PHLDB1: variants seen among roughly 807,000 people sequenced by gnomAD.
PHLDB1 encodes pleckstrin homology-like domain family B member 1.
PHLDB1 carries 65 observed loss-of-function variants against 139.3 expected under a neutral mutation model. That is an observed-to-expected ratio of 0.47 (90% confidence interval 0.38 to 0.57). PHLDB1 has a LOEUF of 0.57. Among genes scored for constraint, PHLDB1 ranks in the 20% least tolerant of loss-of-function variants. The probability of loss-of-function intolerance (pLI) is 0.00; values close to 1 mark genes in which losing one functional copy is unlikely to be tolerated. For missense variants in PHLDB1, 1,624 were observed against 1,839.7 expected, an observed-to-expected ratio of 0.88 and a Z score of 2.14; for synonymous variants, 679 against 734.5, an observed-to-expected ratio of 0.92 and a Z score of 1.22.
chr11:118,655,953 T>TGACCCTTGACCTCCCCTTCATCCCC, intron 22 of PHLDB1, 61 bp downstream of exon 22: 1 of 1,188,108 alleles, frequency 8.4e-7, no homozygotes, highest in Non-Finnish European at 1.3e-6. Context: ...CACTCATCCC[T>TGACCCTTGACCTCCCCTTCATCCCC]GACCCTTGAC....
At chr11:118,641,602 C>T (rs1946525745) in intron 12 of PHLDB1, 1 of 1,272,014 alleles carries the variant, frequency 7.9e-7, no homozygotes, top group African/African-American at 1.5e-5. Context: ...CTGCGTCTGG[C>T]CTTGCTCCAA....
At chr11:118,621,994 G>A (rs756697286) in intron 4 of PHLDB1, among the ~76,000 whole-genome samples, 7 of 152,106 alleles carry the variant, frequency 4.6e-5, no homozygotes, top group Admixed American at 2.6e-4. Flanking sequence ...GAGCATGTAC[G>A]CCCATAAGTC....
At position 118,650,578 on chromosome 11, in the gene PHLDB1, A is replaced by G. The variant is rs782541461; in HGVS notation, c.3874+31A>G. The G allele has an allele frequency of 5.4e-5, 79 of 1,458,108 alleles. No individual in the cohort carries two copies. The highest frequency in any genetic ancestry group is 7.4e-5 in the Non-Finnish European group (77 of 1,037,886). 90.3% of individuals were successfully genotyped at this position (1,458,108 alleles called of 1,614,324 possible). On this transcript the variant is annotated intron_variant, in intron 20 of 22. Transcript: ENST00000600882. This position sits in a 1 kb window ranked among gnomAD's most constrained non-coding sequence, Gnocchi z 4.7. ...TTCCCACAAGGCCACCCTGGGGGCC[A>G]GCCAGGATCCCTGGGCTCTGTTACC...
At position 118,645,891 on chromosome 11, in the gene PHLDB1, G is replaced by A; in HGVS notation, c.3507+66G>A. 1 of 996,854 alleles carries A rather than the reference G, an allele frequency of 1.0e-6. No individual in the cohort carries two copies. Among genetic ancestry groups the A allele is most frequent in the Non-Finnish European group, 1.6e-6 (1 of 618,784 alleles). 61.8% of individuals were successfully genotyped at this position (996,854 alleles called of 1,614,324 possible). ...CACAGAGCTACCTACTGCATGTCAAGGGCCTGTGCTCCACCCCAAGCCCTT... is the reference window on the plus strand; with the variant it reads ...CACAGAGCTACCTACTGCATGTCAAAGGCCTGTGCTCCACCCCAAGCCCTT... On this transcript the variant is annotated intron_variant, in intron 17 of 22. Transcript: ENST00000600882. This position sits in a 1 kb window ranked among gnomAD's most constrained non-coding sequence, Gnocchi z 5.1.
chr11:118,635,503 G>C lies in PHLDB1; in HGVS notation c.2490G>C (p.Leu830=), dbSNP rs753674691. Residue 830 remains leucine (L), a synonymous_variant, in exon 10 of 23, where the codon CTG becomes CTC. Transcript: ENST00000600882. Reference sequence around the variant, plus strand: ...AGCGCGAGCTGGCCGGCCAGGGGCTGCTCCGGAGCAAGGCTGAGCTGCTCC... The same window carrying C: ...AGCGCGAGCTGGCCGGCCAGGGGCTCCTCCGGAGCAAGGCTGAGCTGCTCC... ...EEERELAGQG[L]LRSKAELLRS... 1.4e-5 allele frequency: 23 copies of C among 1,607,862 alleles called. No homozygotes were observed. The highest frequency in any genetic ancestry group is 1.9e-5 in the Non-Finnish European group (22 of 1,177,550).
chr11:118,642,057 C>G (rs1555121387), intron 12 of PHLDB1, 197 bp from the exon 13 acceptor site: 94 of 597,668 alleles, frequency 1.6e-4, no homozygotes, highest in East Asian at 2.5e-4. Flanking sequence ...TCTCCTTTCT[C>G]CCTTCCTTCC....
intron 13 of PHLDB1, 90 bp from the exon 14 acceptor site, chr11:118,643,710 C>A: frequency 6.2e-7 from 1 of 1,603,148 alleles, no homozygotes; most frequent in South Asian, 1.1e-5. Context: ...AGTGCCAGGG[C>A]GGTACGTCAG....
intron 9 of PHLDB1, chr11:118,635,114 A>C: frequency 1.8e-6 from 1 of 547,974 alleles, no homozygotes; most frequent in Non-Finnish European, 3.4e-6. Context: ...AAGAGAGGAG[A>C]GCGGTGGGAC....
chr11:118,643,912 C>G lies in PHLDB1; in HGVS notation c.2990C>G (p.Ala997Gly). Residue 997 changes from alanine (A) to glycine (G), a missense_variant, in exon 14 of 23, where the codon GCT becomes GGT. Transcript: ENST00000600882. The stretch of plus-strand genomic sequence containing the variant: ...TCCTCCTCCTCCCAGCTCAGCGTGG[C>G]TACCCTGGGGCGTAGCCCCTCCCCA... ...SSSSSSQLSV[A>G]TLGRSPSPKS... 1 of 1,607,458 alleles carries G rather than the reference C, an allele frequency of 6.2e-7. No individual in the cohort carries two copies. The highest frequency in any genetic ancestry group is 8.5e-7 in the Non-Finnish European group (1 of 1,176,858).
rs1939926754 is a variant in PHLDB1 at position 118,610,416 on chromosome 11, G to T, written c.-22+2717G>T. On this transcript the variant is annotated intron_variant, in intron 1 of 22. Transcript: ENST00000600882. This position sits in a 1 kb window ranked among gnomAD's most constrained non-coding sequence, Gnocchi z 8.7. ...GGCCCTTTCTCGAGGGCGGATGTGCGCCTGGAGGGCGAAGGCGGCGGCCGA... is the reference window on the plus strand; with the variant it reads ...GGCCCTTTCTCGAGGGCGGATGTGCTCCTGGAGGGCGAAGGCGGCGGCCGA... The T allele has an allele frequency of 1.2e-5, 12 of 984,298 alleles. No individual in the cohort carries two copies. Among genetic ancestry groups the T allele is most frequent in the Non-Finnish European group, 1.4e-5 (12 of 828,866 alleles). The allele number at this position is 984,298 out of a possible 1,614,324, so 61.0% of individuals were successfully genotyped here.
At position 118,609,215 on chromosome 11, in the gene PHLDB1, A is replaced by G. The variant is rs529961561; in HGVS notation, c.-22+1516A>G. 1.5e-4 allele frequency among the ~76,000 whole-genome samples: 20 copies of G among 134,322 alleles called. No homozygotes were observed. The South Asian group carries it at 5.0e-3, about 34-fold the overall frequency. 88.1% of individuals were successfully genotyped at this position (134,322 alleles called of 152,430 possible). Reference sequence around the variant, plus strand: ...CACACACACAGCCCCAGTTATACACACACAGCCCAGCTCACACACGCAGCC... The same window carrying G: ...CACACACACAGCCCCAGTTATACACGCACAGCCCAGCTCACACACGCAGCC... On this transcript the variant is annotated intron_variant, in intron 1 of 22. Transcript: ENST00000600882.
Position 118,650,951 on chromosome 11 carries a change from C to T in PHLDB1, c.3874+404C>T. On this transcript the variant is annotated intron_variant, in intron 20 of 22. Coordinates refer to ENST00000600882, the MANE Select transcript of PHLDB1 (RefSeq NM_001144758.3). This position sits in a 1 kb window ranked among gnomAD's most constrained non-coding sequence, Gnocchi z 4.7. Reference sequence around the variant, plus strand: ...ATGGTCAGAGTTGGGCTGGGAACTCCCCCTTGGACAAATTCCATCAGAGAT... The same window carrying T: ...ATGGTCAGAGTTGGGCTGGGAACTCTCCCTTGGACAAATTCCATCAGAGAT... 1 of 207,952 alleles carries T rather than the reference C, an allele frequency of 4.8e-6. No homozygotes were observed. The highest frequency in any genetic ancestry group is 1.2e-4 in the East Asian group (1 of 8,058). The allele number at this position is 207,952 out of a possible 1,614,324, so 12.9% of individuals were successfully genotyped here.
At position 118,645,863 on chromosome 11, in the gene PHLDB1, G is replaced by A. The variant is rs782204348; in HGVS notation, c.3507+38G>A. Reference sequence around the variant, plus strand: ...TGGATCGGGGAGGCAGAAGGTGTTGGGGCACAGAGCTACCTACTGCATGTC... The same window carrying A: ...TGGATCGGGGAGGCAGAAGGTGTTGAGGCACAGAGCTACCTACTGCATGTC... On this transcript the variant is annotated intron_variant, in intron 17 of 22. Coordinates refer to ENST00000600882, the MANE Select transcript of PHLDB1 (RefSeq NM_001144758.3). This position sits in a 1 kb window ranked among gnomAD's most constrained non-coding sequence, Gnocchi z 5.1. 1 of 1,340,402 alleles carries A rather than the reference G, an allele frequency of 7.5e-7. No individual in the cohort carries two copies. The highest frequency in any genetic ancestry group is 1.7e-5 in the Admixed American group (1 of 59,704). 83.0% of individuals were successfully genotyped at this position (1,340,402 alleles called of 1,614,324 possible).
rs532156506 is a variant in PHLDB1 at position 118,608,584 on chromosome 11, G to A, written c.-22+885G>A. 6.6e-6 allele frequency among the ~76,000 whole-genome samples: 1 copy of A among 152,136 alleles called. No individual in the cohort carries two copies. Among genetic ancestry groups the A allele is most frequent in the Admixed American group, 6.5e-5 (1 of 15,292 alleles). ...CTGGGGCGGGGCTGCATTCTGGGCC[G>A]TTAGCTCAGCGGTCCTGGAGCCTCC... On this transcript the variant is annotated intron_variant, in intron 1 of 22. Coordinates refer to ENST00000600882, the MANE Select transcript of PHLDB1 (RefSeq NM_001144758.3). This position sits in a 1 kb window ranked among gnomAD's most constrained non-coding sequence, Gnocchi z 6.7.
intron 12 of PHLDB1, chr11:118,639,774 CCTCACTACA>C: frequency 7.7e-6 from 2 of 258,714 alleles, no homozygotes; most frequent in Non-Finnish European, 1.2e-5. Context: ...TCCCTCCCTG[CCTCACTACA>C]CAAACAATTT....
At chr11:118,623,440 C>T (rs1943207442) in intron 4 of PHLDB1, among the ~76,000 whole-genome samples, 2 of 152,194 alleles carry the variant, frequency 1.3e-5, no homozygotes, top group Non-Finnish European at 1.5e-5. Flanking sequence ...CTACATTTTC[C>T]AGCTCCCACA....
In PHLDB1 at chr11:118,648,116, G is replaced by A. The variant is rs201342537; in HGVS notation, c.3654+40G>A. 2.9e-4 allele frequency: 465 copies of A among 1,596,398 alleles called. 4 individuals carry two copies. In the South Asian group the frequency reaches 3.8e-3, roughly 13 times the overall value. On this transcript the variant is annotated intron_variant, in intron 18 of 22. Transcript: ENST00000600882. The stretch of plus-strand genomic sequence containing the variant: ...GGGCACAGTGGTGGTTGGTTTGACG[G>A]TGAGGGCTGTAGAGAAGTGGGGAGA...
intron 2 of PHLDB1, among the ~76,000 whole-genome samples, chr11:118,614,177 G>C (rs1456444681): frequency 1.3e-5 from 2 of 152,082 alleles, no homozygotes; most frequent in Non-Finnish European, 2.9e-5. Flanking sequence ...CTTGAGCTTA[G>C]CAGGGGCAAG....
At chr11:118,631,792 A>C (rs1944855572) in intron 7 of PHLDB1, 121 bp from the exon 8 acceptor site, 1 of 1,185,338 alleles carries the variant, frequency 8.4e-7, no homozygotes, top group African/African-American at 1.5e-5. Context: ...GCAGGGAATT[A>C]GCCTCCTGTC....
Sources: gnomAD v4.1 joint callset for allele counts (sites outside exome capture counted in the v4.1 genomes callset) on GRCh38, gnomAD v4.1.1 for gene constraint, Gnocchi (gnomAD v3.1) non-coding constraint, MANE v1.5 for transcripts, NCBI Gene and HGNC (gene_info 2026-07-23, HGNC 2026-07-21) for gene names.